Variants in POFUT3 observed in about 807,000 individuals in gnomAD.
POFUT3 encodes protein O-fucosyltransferase 3.
At chr8:33,315,105 T>A in the POFUT3 span, among the ~76,000 whole-genome samples, 1 of 152,190 alleles carries the variant, frequency 6.6e-6, no homozygotes, top group Non-Finnish European at 1.5e-5. Flanking sequence ...TTATAGAGCA[T>A]ACCTCTGTGT....
chr8:33,417,393 C>A, the POFUT3 span, among the ~76,000 whole-genome samples: 1 of 152,034 alleles, frequency 6.6e-6, no homozygotes, highest in Non-Finnish European at 1.5e-5. Flanking sequence ...ATCCCGAAAC[C>A]ATCTTCCCCT....
chr8:33,327,559 A>C, the POFUT3 span, among the ~76,000 whole-genome samples: 1 of 152,054 alleles, frequency 6.6e-6, no homozygotes, highest in African/African-American at 2.4e-5. Context: ...TCAGAAAACA[A>C]AACTCAGGTC....
the POFUT3 span, among the ~76,000 whole-genome samples, chr8:33,423,640 G>T: frequency 1.7e-3 from 264 of 152,040 alleles, no homozygotes; most frequent in Non-Finnish European, 3.4e-3. Flanking sequence ...CTGAGTTATT[G>T]TTGACAATCA....
the POFUT3 span, among the ~76,000 whole-genome samples, chr8:33,337,297 A>C: frequency 6.6e-6 from 1 of 152,242 alleles, no homozygotes; most frequent in Non-Finnish European, 1.5e-5. Context: ...AAATAATTAT[A>C]AACATTGACA....
the POFUT3 span, among the ~76,000 whole-genome samples, chr8:33,430,754 A>G: frequency 3.9e-5 from 6 of 152,126 alleles, no homozygotes; most frequent in East Asian, 1.2e-3. Flanking sequence ...GATTACAGGC[A>G]TGCGCCACCA....
At chr8:33,438,912 C>A in the POFUT3 span, among the ~76,000 whole-genome samples, 1 of 151,982 alleles carries the variant, frequency 6.6e-6, no homozygotes, top group African/African-American at 2.4e-5. Flanking sequence ...CAATTATCTC[C>A]CACTGGGTCT....
the POFUT3 span, among the ~76,000 whole-genome samples, chr8:33,418,915 C>T: frequency 2.6e-5 from 4 of 152,346 alleles, no homozygotes; most frequent in African/African-American, 7.2e-5. Flanking sequence ...GAAATCCTGT[C>T]ATTTGCAGCA....
the POFUT3 span, among the ~76,000 whole-genome samples, chr8:33,370,468 G>A: frequency 3.3e-5 from 5 of 152,240 alleles, no homozygotes; most frequent in Admixed American, 2.6e-4. Flanking sequence ...AAACAGTCCT[G>A]TGAGGGACGT....
the POFUT3 span, among the ~76,000 whole-genome samples, chr8:33,418,032 G>A: frequency 1.3e-5 from 2 of 152,120 alleles, no homozygotes; most frequent in East Asian, 3.9e-4. Context: ...TTCAGAGAGG[G>A]AGCTCACACC....
the POFUT3 span, among the ~76,000 whole-genome samples, chr8:33,319,997 G>T: frequency 6.6e-6 from 1 of 150,998 alleles, no homozygotes; most frequent in African/African-American, 2.4e-5. Context: ...CCAGACACTG[G>T]AATAGACTAT....
At chr8:33,403,036 G>A in the POFUT3 span, among the ~76,000 whole-genome samples, 8 of 152,014 alleles carry the variant, frequency 5.3e-5, no homozygotes, top group East Asian at 1.9e-4. Context: ...ACTCCAGCCC[G>A]GGTGACAAAG....
At chr8:33,315,065 A>G in the POFUT3 span, among the ~76,000 whole-genome samples, 1 of 152,316 alleles carries the variant, frequency 6.6e-6, no homozygotes, top group East Asian at 1.9e-4. Flanking sequence ...TTTACTTTTC[A>G]AAGCTAGCTA....
At chr8:33,444,764 G>A in the POFUT3 span, among the ~76,000 whole-genome samples, 1 of 152,010 alleles carries the variant, frequency 6.6e-6, no homozygotes, top group Admixed American at 6.6e-5. Flanking sequence ...GTTGTAGTGA[G>A]CTGAGATCAC....
chr8:33,453,334 C>T, the POFUT3 span: 3 of 1,614,198 alleles, frequency 1.9e-6, no homozygotes, highest in South Asian at 3.3e-5. Context: ...GCGGGGACCA[C>T]CAGAGCATAA....
At chr8:33,453,111 G>A in the POFUT3 span, 1 of 1,109,166 alleles carries the variant, frequency 9.0e-7, no homozygotes. Flanking sequence ...GGGTGTCAAA[G>A]TGTTTTCAAG....
chr8:33,410,765 T>A, the POFUT3 span, among the ~76,000 whole-genome samples: 1 of 152,168 alleles, frequency 6.6e-6, no homozygotes, highest in Non-Finnish European at 1.5e-5. Context: ...TTGGGTTGAC[T>A]CTTCCATCTG....
At chr8:33,439,135 G>A in the POFUT3 span, among the ~76,000 whole-genome samples, 1 of 152,188 alleles carries the variant, frequency 6.6e-6, no homozygotes, top group Non-Finnish European at 1.5e-5. Flanking sequence ...GCTGGGAGTG[G>A]TGGCTCACGC....
chr8:33,461,251 C>T, the POFUT3 span: 1 of 987,260 alleles, frequency 1.0e-6, no homozygotes, highest in Non-Finnish European at 1.4e-6. Context: ...GGAACCAACC[C>T]TGATCCTGAA....
the POFUT3 span, among the ~76,000 whole-genome samples, chr8:33,470,270 G>T: frequency 7.4e-6 from 1 of 134,428 alleles, no homozygotes; most frequent in African/African-American, 3.1e-5. Flanking sequence ...AAAAAAGTTA[G>T]CTGGGCATGC....
Sources: allele counts gnomAD v4.1 joint callset (sites outside exome capture counted in the v4.1 genomes callset), GRCh38; gene constraint gnomAD v4.1.1; transcripts MANE v1.5; gene names NCBI Gene and HGNC (gene_info 2026-07-23, HGNC 2026-07-21).